IL10RB: variants seen among roughly 807,000 people sequenced by gnomAD.
The protein encoded by IL10RB is interleukin 10 receptor subunit beta, also known as interleukin-10 receptor subunit beta.
In IL10RB, 30 loss-of-function variants were observed where a neutral mutation model predicts 38.7. That is an observed-to-expected ratio of 0.78 (90% confidence interval 0.58 to 1.05). IL10RB has a LOEUF of 1.05. Ranked by LOEUF, IL10RB falls within the 50% of genes least tolerant of loss-of-function variation. The pLI is 0.00. For synonymous variants in IL10RB, 142 were observed against 145.9 expected, an observed-to-expected ratio of 0.97 and a Z score of 0.19; for missense variants, 328 against 397.1, an observed-to-expected ratio of 0.83 and a Z score of 1.48.
chr21:33,296,829 T>G lies in IL10RB; in HGVS notation c.*472T>G. The G allele has an allele frequency of 3.1e-6, 1 of 322,380 alleles. No homozygotes were observed. The highest frequency in any genetic ancestry group is 6.1e-6 in the Non-Finnish European group (1 of 165,008). The allele number at this position is 322,380 out of a possible 1,614,324, so 20.0% of individuals were successfully genotyped here. A position where few individuals can be genotyped will look rare whatever the true frequency, so the allele number is the denominator to read the frequency against. On this transcript the variant is annotated 3_prime_UTR_variant, in exon 7 of 7. Coordinates refer to ENST00000290200, the MANE Select transcript of IL10RB (RefSeq NM_000628.5). ...TAGGCATGATGGCGCATGCCTATAA[T>G]CCCAGCTACTCGAGTGCCTGAGGCA...
At chr21:33,287,089 T>A (rs975019303) in intron 5 of IL10RB, among the ~76,000 whole-genome samples, 1 of 151,834 alleles carries the variant, frequency 6.6e-6, no homozygotes, top group Non-Finnish European at 1.5e-5. Context: ...GGCTCGCAGA[T>A]CATTGAGAAA....
intron 2 of IL10RB, among the ~76,000 whole-genome samples, chr21:33,274,871 T>A (rs1205470532): frequency 6.6e-6 from 1 of 152,122 alleles, no homozygotes; most frequent in African/African-American, 2.4e-5. Context: ...TTAACAAGAG[T>A]CAGCCTGTTC....
intron 5 of IL10RB, among the ~76,000 whole-genome samples, chr21:33,285,973 G>A (rs1460655242): frequency 5.3e-5 from 8 of 152,108 alleles, no homozygotes; most frequent in African/African-American, 1.4e-4. Context: ...TCTGGGCTCC[G>A]GTGCATGAAA....
chr21:33,294,984 T>C (rs1258591897), intron 6 of IL10RB, among the ~76,000 whole-genome samples: 1 of 152,218 alleles, frequency 6.6e-6, no homozygotes, highest in Non-Finnish European at 1.5e-5. Context: ...AGTTGGTGTC[T>C]ATTAAAAGTG....
At chr21:33,276,517 C>A (rs930799429) in intron 2 of IL10RB, 79 bp from the exon 3 acceptor site, 1 of 1,198,686 alleles carries the variant, frequency 8.3e-7, no homozygotes, top group Non-Finnish European at 1.2e-6. Context: ...CCGCCCCCCC[C>A]TCCAAATTAA....
chr21:33,301,613 G>T (rs2082986197), downstream of IL10RB, among the ~76,000 whole-genome samples: 1 of 152,226 alleles, frequency 6.6e-6, no homozygotes, highest in Non-Finnish European at 1.5e-5. Context: ...GCCCCTGAGG[G>T]TCGCATTGCA....
intron 6 of IL10RB, among the ~76,000 whole-genome samples, chr21:33,292,665 A>AT (rs1989512237): frequency 6.6e-6 from 1 of 152,000 alleles, no homozygotes. Flanking sequence ...ACAGAGTACA[A>AT]TTATCTGCTG....
chr21:33,291,818 C>T (rs1989493630), intron 6 of IL10RB, among the ~76,000 whole-genome samples: 1 of 152,188 alleles, frequency 6.6e-6, no homozygotes, highest in Non-Finnish European at 1.5e-5. Context: ...ATCAGGGGCT[C>T]AGCATTGATC....
At chr21:33,293,785 C>T (rs996913804) in intron 6 of IL10RB, among the ~76,000 whole-genome samples, 14 of 141,310 alleles carry the variant, frequency 9.9e-5, no homozygotes, top group African/African-American at 3.3e-4. Context: ...CCAGCCTGGG[C>T]GACAGAGTGA....
chr21:33,299,503 C>T (rs899060231), downstream of IL10RB, among the ~76,000 whole-genome samples: 9 of 152,348 alleles, frequency 5.9e-5, no homozygotes, highest in African/African-American at 1.9e-4. Flanking sequence ...CTCTTTCTGG[C>T]TGCCTCGCCT....
chr21:33,308,143 T>G (rs1376036361), intron 1 of IL10RB: 1 of 152,270 alleles, frequency 6.6e-6, no homozygotes, highest in African/African-American at 2.4e-5. Flanking sequence ...ACATATATAC[T>G]GTGCCCTCTC....
chr21:33,267,502 G>GTTTGTTTTTTTTTTTTTTTTTTTTTTTT (rs1477718652), intron 1 of IL10RB, among the ~76,000 whole-genome samples: 1 of 102,708 alleles, frequency 9.7e-6, no homozygotes, highest in African/African-American at 3.7e-5. Context: ...TTGTTTGTTT[G>GTTTGTTTTTTTTTTTTTTTTTTTTTTTT]TTTTTTTGTT....
intron 6 of IL10RB, 99 bp from the exon 7 acceptor site, chr21:33,296,085 A>G: frequency 1.2e-6 from 1 of 841,044 alleles, no homozygotes. Context: ...AATAAAATAA[A>G]ATAGATTTTC....
At position 33,283,359 on chromosome 21, in the gene IL10RB, T is replaced by C. The variant is rs1210011656; in HGVS notation, c.646+118T>C. The C allele has an allele frequency of 4.7e-6, 5 of 1,057,808 alleles. No individual in the cohort carries two copies. The Admixed American group carries it at 9.3e-5, about 20-fold the overall frequency. The allele number at this position is 1,057,808 out of a possible 1,614,324, so 65.5% of individuals were successfully genotyped here. A position where few individuals can be genotyped will look rare whatever the true frequency, so the allele number is the denominator to read the frequency against. On this transcript the variant is annotated intron_variant, in intron 5 of 6. Coordinates refer to ENST00000290200, the MANE Select transcript of IL10RB (RefSeq NM_000628.5). ...AGTTCAGAAATCTATCGCCCTGACA[T>C]TATCTCTCAGCCCTGACTGCTCAGC... is the stretch of plus-strand genomic sequence containing the variant.
chr21:33,298,613 CTAAATAAA>C (rs767125252), downstream of IL10RB, among the ~76,000 whole-genome samples: 2 of 151,672 alleles, frequency 1.3e-5, no homozygotes, highest in African/African-American at 4.8e-5. Context: ...GACTCCATCT[CTAAATAAA>C]TAAATAAATA....
At chr21:33,282,064 T>G (rs1369248268) in intron 4 of IL10RB, among the ~76,000 whole-genome samples, 1 of 152,178 alleles carries the variant, frequency 6.6e-6, no homozygotes, top group African/African-American at 2.4e-5. Flanking sequence ...GCCCGCCATT[T>G]TTTTCAGTTG....
downstream of IL10RB, among the ~76,000 whole-genome samples, chr21:33,297,444 C>T (rs893223181): frequency 6.7e-6 from 1 of 148,306 alleles, no homozygotes; most frequent in African/African-American, 2.6e-5. Context: ...AAAAAAAAAA[C>T]CTAGAAATAA....
chr21:33,276,439 T>G (rs1381108812), intron 2 of IL10RB, among the ~76,000 whole-genome samples, 157 bp from the exon 3 acceptor site: 2 of 152,178 alleles, frequency 1.3e-5, no homozygotes, highest in East Asian at 3.8e-4. Flanking sequence ...ATTAAGATGT[T>G]CAAGTCTCTG....
intron 2 of IL10RB, 75 bp from the exon 3 acceptor site, chr21:33,276,521 A>G (rs539833749): frequency 1.7e-6 from 2 of 1,179,280 alleles, no homozygotes; most frequent in East Asian, 5.1e-5. Flanking sequence ...CCCCCCCTCC[A>G]AATTAAGTAC....
Sources: allele counts gnomAD v4.1 joint callset (sites outside exome capture counted in the v4.1 genomes callset), GRCh38; gene constraint gnomAD v4.1.1; transcripts MANE v1.5; gene names NCBI Gene and HGNC (gene_info 2026-07-23, HGNC 2026-07-21).